The following RYR3 variants were observed in gnomAD, a reference collection of about 807,000 sequenced individuals.
RYR3 encodes ryanodine receptor 3.
A neutral mutation model predicts 584.3 loss-of-function variants in RYR3; 207 were observed. The observed-to-expected ratio is 0.35, with a 90% CI of 0.32 to 0.40. The LOEUF (loss-of-function observed/expected upper bound fraction) is 0.40, where lower values mean the gene tolerates loss of function less well. RYR3 is among the 10% of genes least tolerant of loss of function. RYR3 has a pLI of 1.00. For synonymous variants in RYR3, 2,416 were observed against 2,248.5 expected (o/e 1.07, Z -2.11); for missense variants, 5,616 against 6,089.2 (o/e 0.92, Z 2.59).
chr15:33,533,331 A>T lies in RYR3; in HGVS notation c.375A>T (p.Thr125=). Residue 125 remains threonine, a synonymous_variant, in exon 5 of 104, where the codon ACA becomes ACT. Coordinates refer to ENST00000634891, the MANE Select transcript of RYR3 (RefSeq NM_001036.6). The stretch of plus-strand genomic sequence containing the variant: ...CACAGTATCTAACATGCTTGACTAC[A>T]TCAAGATCCCAGACAGACAAACTTG... ...FSGMYLTCLT[T]SRSQTDKLAF... 6.2e-7 allele frequency: 1 copy of T among 1,606,890 alleles called. No individual in the cohort carries two copies. The highest frequency in any genetic ancestry group is 8.5e-7 in the Non-Finnish European group (1 of 1,176,446).
rs543176149 is a variant in RYR3 at position 33,773,449 on chromosome 15, G to T, written c.9056-85G>T. On this transcript the variant is annotated intron_variant, in intron 63 of 103. Transcript: ENST00000634891. ...GAGAGATCTTTTACTCTTTACTGAT[G>T]CTCATGCATTTTTTTTTTCCTCTTC... is the stretch of plus-strand genomic sequence containing the variant. 6 of 887,006 alleles carry T rather than the reference G, an allele frequency of 6.8e-6. No homozygotes were observed. The East Asian group carries it at 1.6e-4, about 23-fold the overall frequency. 54.9% of individuals were successfully genotyped at this position (887,006 alleles called of 1,614,324 possible).
intron 101 of RYR3, 124 bp from the exon 102 acceptor site, chr15:33,860,954 A>G: frequency 1.4e-6 from 1 of 730,166 alleles, no homozygotes; most frequent in Non-Finnish European, 2.3e-6. Context: ...TGAGTGAATG[A>G]CTAATAGCCA....
intron 69 of RYR3, among the ~76,000 whole-genome samples, chr15:33,807,259 T>C (rs1187987239): frequency 6.6e-6 from 1 of 152,178 alleles, no homozygotes; most frequent in African/African-American, 2.4e-5. Flanking sequence ...AAGAACTCTC[T>C]AGATCTAAAG....
chr15:33,446,612 T>C (rs1284352150), intron 1 of RYR3, among the ~76,000 whole-genome samples: 1 of 152,134 alleles, frequency 6.6e-6, no homozygotes, highest in Non-Finnish European at 1.5e-5. Flanking sequence ...ACCAGTGAGA[T>C]TGGATTAGGG....
intron 67 of RYR3, among the ~76,000 whole-genome samples, chr15:33,790,953 A>T (rs1272575164): frequency 2.6e-5 from 4 of 152,194 alleles, no homozygotes; most frequent in African/African-American, 9.7e-5. Flanking sequence ...GGTAAATAAG[A>T]TGAGAACTGA....
At position 33,844,972 on chromosome 15, in the gene RYR3, C is replaced by T; in HGVS notation, c.13407C>T (p.Ser4469=). ...TGGTATTCTTTGTCCTTCAGGAGAG[C>T]ACCGGGTATATGGCACCAACCCTGC... is the stretch of plus-strand genomic sequence containing the variant. The part of the protein sequence containing the change: ...EAMVFFVLQE[S]TGYMAPTLRA... Residue 4469 remains serine, a synonymous_variant, in exon 93 of 104, where the codon AGC becomes AGT. Coordinates refer to ENST00000634891, the MANE Select transcript of RYR3 (RefSeq NM_001036.6). 6.2e-7 allele frequency: 1 copy of T among 1,613,996 alleles called. No individual in the cohort carries two copies. Among genetic ancestry groups the T allele is most frequent in the Non-Finnish European group, 8.5e-7 (1 of 1,179,888 alleles).
In RYR3 at chr15:33,400,390, G is replaced by A. The variant is rs12438212; in HGVS notation, c.52-73029G>A. 2.1e-4 allele frequency among the ~76,000 whole-genome samples: 32 copies of A among 152,258 alleles called. 1 individual carries two copies. Among genetic ancestry groups the A allele is most frequent in the Middle Eastern group, 3.4e-3 (1 of 294 alleles). ...TTCCCCCCGCCACACACACACTATA[G>A]GCTGCTGTTTTGTAACTTTTCCTTT... On this transcript the variant is annotated intron_variant, in intron 1 of 103. Transcript: ENST00000634891.
At chr15:33,378,251 T>C (rs984855176) in intron 1 of RYR3, among the ~76,000 whole-genome samples, 3 of 152,204 alleles carry the variant, frequency 2.0e-5, no homozygotes, top group Non-Finnish European at 2.9e-5. Context: ...CCCATTCTAT[T>C]TGGCACTTTC....
chr15:33,516,720 G>A (rs570369259), intron 3 of RYR3, among the ~76,000 whole-genome samples: 27 of 152,114 alleles, frequency 1.8e-4, no homozygotes, highest in Admixed American at 7.2e-4. Flanking sequence ...ATCTCAGTGG[G>A]CTTCAGAGAA....
intron 1 of RYR3, among the ~76,000 whole-genome samples, chr15:33,406,154 T>A (rs2043004679): frequency 6.6e-6 from 1 of 151,942 alleles, no homozygotes; most frequent in Admixed American, 6.5e-5. Context: ...GGAAGGGATA[T>A]CACAGTAGTT....
intron 43 of RYR3, among the ~76,000 whole-genome samples, chr15:33,720,438 A>G (rs2067824196): frequency 6.6e-6 from 1 of 152,236 alleles, no homozygotes; most frequent in African/African-American, 2.4e-5. Context: ...GAGTTAGACT[A>G]ATAGAGTCAC....
intron 43 of RYR3, among the ~76,000 whole-genome samples, chr15:33,709,852 G>A (rs1031165944): frequency 8.5e-5 from 13 of 152,218 alleles, no homozygotes; most frequent in African/African-American, 2.9e-4. Context: ...TAAGACATGC[G>A]GTTTAAAAGG....
At chr15:33,384,465 A>G (rs2041427687) in intron 1 of RYR3, among the ~76,000 whole-genome samples, 1 of 121,044 alleles carries the variant, frequency 8.3e-6, no homozygotes, top group East Asian at 2.2e-4. Flanking sequence ...ATAATATTAT[A>G]TTATAATATT....
intron 91 of RYR3, among the ~76,000 whole-genome samples, chr15:33,842,583 G>C (rs1231698866): frequency 6.6e-6 from 1 of 152,212 alleles, no homozygotes; most frequent in Non-Finnish European, 1.5e-5. Context: ...TCCCCACAGA[G>C]AGATTGGGAA....
chr15:33,618,289 C>G (rs16973329), intron 19 of RYR3, among the ~76,000 whole-genome samples: 23,763 of 152,154 alleles, frequency 0.16, 1,952 homozygotes, highest in East Asian at 0.23. Context: ...TAAAAATAAC[C>G]ATATCCAAAG....
At chr15:33,652,110 C>T (rs8030397) in intron 31 of RYR3, among the ~76,000 whole-genome samples, 47,646 of 151,964 alleles carry the variant, frequency 0.31, 8,025 homozygotes, top group African/African-American at 0.43. Flanking sequence ...GGCACCTAAG[C>T]TGATGGTTAG....
chr15:33,465,666 T>C (rs8027137), intron 1 of RYR3: 17,072 of 515,326 alleles, frequency 0.033, 2,101 homozygotes, highest in African/African-American at 0.28. Flanking sequence ...AGACTCTGGC[T>C]ACTGTGTGGA....
intron 74 of RYR3, 111 bp from the exon 75 acceptor site, chr15:33,816,739 CTGACCAATCAGA>C: frequency 1.7e-6 from 1 of 605,550 alleles, no homozygotes. Flanking sequence ...ACTGGCTACC[CTGACCAATCAGA>C]AGACAAGAAT....
chr15:33,487,998 G>A lies in RYR3; in HGVS notation c.171+14460G>A, dbSNP rs183968477. 2.5e-3 allele frequency among the ~76,000 whole-genome samples: 383 copies of A among 152,302 alleles called. 1 individual carries two copies. Among genetic ancestry groups the A allele is most frequent in the African/African-American group, 7.4e-3 (309 of 41,562 alleles). On this transcript the variant is annotated intron_variant, in intron 2 of 103. Coordinates refer to ENST00000634891, the MANE Select transcript of RYR3 (RefSeq NM_001036.6). ...AGCATAGAAGTCAAGTGCAACACAT[G>A]TCAAGTTTATTAATGTATTTGTCAT... is the stretch of plus-strand genomic sequence containing the variant.
Sources: allele counts gnomAD v4.1 joint callset (sites outside exome capture counted in the v4.1 genomes callset), GRCh38; gene constraint gnomAD v4.1.1; transcripts MANE v1.5; gene names NCBI Gene and HGNC (gene_info 2026-07-23, HGNC 2026-07-21).